The following KDM6A variants were observed in gnomAD, a reference collection of about 807,000 sequenced individuals.
KDM6A encodes the protein lysine-specific demethylase 6A.
A neutral mutation model predicts 117.6 loss-of-function variants in KDM6A; 11 were observed. That is an observed-to-expected ratio of 0.09 (90% CI 0.06 to 0.15). The LOEUF is 0.15. Ranked by LOEUF, KDM6A falls within the 10% of genes least tolerant of loss-of-function variation. KDM6A has a pLI of 1.00. For synonymous variants in KDM6A, 384 were observed against 396.1 expected (o/e 0.97, Z 0.36); for missense variants, 799 against 1,077.3 (o/e 0.74, Z 3.62).
At chrX:45,056,419 T>A (rs2044074481) in intron 10 of KDM6A, among the ~76,000 whole-genome samples, 1 of 112,127 alleles carries the variant, frequency 8.9e-6, no homozygotes, top group Admixed American at 9.5e-5. Flanking sequence ...CAGGTCTGTG[T>A]TGAAGATGGA....
At chrX:44,914,426 G>C (rs2035425570) in intron 2 of KDM6A, among the ~76,000 whole-genome samples, 2 of 111,871 alleles carry the variant, frequency 1.8e-5, no homozygotes, top group African/African-American at 6.5e-5. Context: ...GGATATGTTA[G>C]AATGATGTCT....
At chrX:44,873,745 C>G in intron 1 of KDM6A, 33 bp downstream of exon 1, 4 of 1,161,561 alleles carry the variant, frequency 3.4e-6, no homozygotes, top group Non-Finnish European at 4.6e-6. Flanking sequence ...CGGTCGGCTC[C>G]GGACGGGCAG....
At chrX:45,077,662 GA>G (rs1232823084) in intron 19 of KDM6A, among the ~76,000 whole-genome samples, 6 of 108,540 alleles carry the variant, frequency 5.5e-5, no homozygotes, top group Admixed American at 9.8e-5. Flanking sequence ...GCTCTGAGGA[GA>G]AAAAAAAATG....
At chrX:45,047,682 T>TTC (rs2043624523) in intron 8 of KDM6A, among the ~76,000 whole-genome samples, 1 of 57,790 alleles carries the variant, frequency 1.7e-5, no homozygotes, top group Non-Finnish European at 2.9e-5. Flanking sequence ...TTCTTTTTTT[T>TTC]TTTTTTTTTT....
chrX:44,967,821 A>G (rs1310847207), intron 3 of KDM6A, among the ~76,000 whole-genome samples: 1 of 112,623 alleles, frequency 8.9e-6, no homozygotes, highest in East Asian at 2.8e-4. Context: ...TTGATGCAGA[A>G]GGAAAAAAGG....
intron 18 of KDM6A, among the ~76,000 whole-genome samples, chrX:45,073,500 G>A (rs1249434529): frequency 2.7e-5 from 3 of 111,763 alleles, no homozygotes; most frequent in Non-Finnish European, 5.6e-5. Context: ...CAGTGTAAAA[G>A]TGTTCCTATT....
intron 4 of KDM6A, among the ~76,000 whole-genome samples, chrX:44,980,237 G>A (rs1375814231): frequency 1.8e-5 from 2 of 110,968 alleles, no homozygotes; most frequent in Admixed American, 9.6e-5. Context: ...CTCGTGATCC[G>A]CCTGCCTCGG....
intron 9 of KDM6A, among the ~76,000 whole-genome samples, chrX:45,052,919 T>A (rs1349911412): frequency 1.8e-5 from 2 of 110,906 alleles, no homozygotes; most frequent in Non-Finnish European, 3.8e-5. Context: ...GGTCTCAAAC[T>A]CCTGGCATCA....
intron 5 of KDM6A, among the ~76,000 whole-genome samples, chrX:45,015,979 A>G (rs1420763544): frequency 8.9e-6 from 1 of 111,799 alleles, no homozygotes; most frequent in Non-Finnish European, 1.9e-5. Context: ...CAGGTGATAT[A>G]TTAGCAACTG....
Position 45,018,938 on chromosome X carries a change from A to G in KDM6A, c.444-1672A>G, listed in dbSNP as rs1281587561. Among the ~76,000 whole-genome samples, 15 of 111,709 alleles carry G rather than the reference A, an allele frequency of 1.3e-4. No individual in the cohort carries two copies. The Admixed American group carries it at 1.4e-3, about 11-fold the overall frequency. On this transcript the variant is annotated intron_variant, in intron 5 of 29. Transcript: ENST00000611820. ...ATAAATCGTCATTGTATATCTTAAC[A>G]TGTTGTTATAAAATAAACATTCATG...
At chrX:44,907,751 A>G (rs1285687219) in intron 2 of KDM6A, among the ~76,000 whole-genome samples, 1 of 70,559 alleles carries the variant, frequency 1.4e-5, no homozygotes, top group Non-Finnish European at 2.7e-5. Context: ...TCTGGCCTCC[A>G]TTTTTTTTTT....
intron 3 of KDM6A, among the ~76,000 whole-genome samples, chrX:44,970,766 G>A (rs1395765585): frequency 8.9e-6 from 1 of 111,891 alleles, no homozygotes; most frequent in Non-Finnish European, 1.9e-5. Flanking sequence ...TCACATAATA[G>A]GAAGTTCATA....
chrX:45,040,462 T>C (rs1356350377), intron 8 of KDM6A, among the ~76,000 whole-genome samples: 21 of 51,006 alleles, frequency 4.1e-4, no homozygotes, highest in Admixed American at 6.2e-4. Flanking sequence ...CCCCCCCACC[T>C]CCCTCCCGGA....
intron 2 of KDM6A, among the ~76,000 whole-genome samples, chrX:44,913,379 ACCTCCG>A (rs1472949580): frequency 2.0e-5 from 2 of 98,585 alleles, no homozygotes; most frequent in Non-Finnish European, 4.0e-5. Flanking sequence ...GCTCACTGCG[ACCTCCG>A]CCTCCTGGGT....
intron 2 of KDM6A, among the ~76,000 whole-genome samples, chrX:44,959,090 C>T (rs757009025): frequency 1.8e-5 from 2 of 110,787 alleles, no homozygotes; most frequent in Non-Finnish European, 3.8e-5. Context: ...AGTAGTAATA[C>T]AGAGTGCTTG....
At chrX:44,911,275 T>C (rs1156831052) in intron 2 of KDM6A, among the ~76,000 whole-genome samples, 1 of 96,046 alleles carries the variant, frequency 1.0e-5, no homozygotes, top group African/African-American at 4.1e-5. Flanking sequence ...TCAGATGGGG[T>C]GGCTGCTGGG....
intron 4 of KDM6A, among the ~76,000 whole-genome samples, chrX:44,997,669 C>A (rs764009770): frequency 1.8e-5 from 2 of 111,752 alleles, no homozygotes; most frequent in Non-Finnish European, 3.8e-5. Flanking sequence ...CATTCTGTAT[C>A]ATTTAAAGGG....
At chrX:44,907,371 G>A (rs985769154) in intron 2 of KDM6A, among the ~76,000 whole-genome samples, 8 of 110,677 alleles carry the variant, frequency 7.2e-5, no homozygotes, top group Admixed American at 1.9e-4. Flanking sequence ...TCTGCCTCCC[G>A]GGTTCAAGTA....
At chrX:44,934,196 C>T (rs1316411807) in intron 2 of KDM6A, among the ~76,000 whole-genome samples, 1 of 111,766 alleles carries the variant, frequency 8.9e-6, no homozygotes, top group African/African-American at 3.3e-5. Flanking sequence ...TCCTCATAAT[C>T]CTTCCAGGTT....
Sources: gnomAD v4.1 joint callset for allele counts (sites outside exome capture counted in the v4.1 genomes callset) on GRCh38, gnomAD v4.1.1 for gene constraint, MANE v1.5 for transcripts, NCBI Gene and HGNC (gene_info 2026-07-23, HGNC 2026-07-21) for gene names.